The following NCOA2 variants were observed in gnomAD, a reference collection of about 807,000 sequenced individuals.
NCOA2 encodes nuclear receptor coactivator 2.
Under a neutral mutation model 145.1 loss-of-function variants are expected in NCOA2, and 21 were observed. That is an observed-to-expected ratio of 0.14 (90% CI 0.10 to 0.21). The LOEUF (loss-of-function observed/expected upper bound fraction) is 0.21. Among genes scored for constraint, NCOA2 ranks in the 10% least tolerant of loss-of-function variants. The pLI is 1.00. For missense variants in NCOA2, 1,472 were observed against 1,837.6 expected, an observed-to-expected ratio of 0.80 and a Z score of 3.64; for synonymous variants, 619 against 637.5, an observed-to-expected ratio of 0.97 and a Z score of 0.44.
chr8:70,136,560 A>C (rs1809759025), intron 15 of NCOA2, among the ~76,000 whole-genome samples: 1 of 151,842 alleles, frequency 6.6e-6, no homozygotes. Context: ...GAAAAAAAAA[A>C]AAACCCAAAA....
chr8:70,285,538 GAGAC>G (rs1325549093), intron 2 of NCOA2, among the ~76,000 whole-genome samples: 7 of 152,236 alleles, frequency 4.6e-5, no homozygotes, highest in African/African-American at 1.4e-4. Context: ...AGAACACTGA[GAGAC>G]AGACAGCCAT....
chr8:70,321,792 C>CTTTTTTTTTTTTTTTTTTTTTT (rs1563762022), intron 1 of NCOA2, among the ~76,000 whole-genome samples: 1 of 97,528 alleles, frequency 1.0e-5, no homozygotes. Context: ...TCAGAATATA[C>CTTTTTTTTTTTTTTTTTTTTTT]CTTTTTTTTT....
chr8:70,273,652 G>A, intron 2 of NCOA2: 1 of 710,518 alleles, frequency 1.4e-6, no homozygotes, highest in East Asian at 3.0e-5. Flanking sequence ...CAAAGCAGCT[G>A]ACAGAAATGC....
Position 70,113,304 on chromosome 8 carries a change from C to T in NCOA2, c.*328G>A, listed in dbSNP as rs912978486. 4.6e-6 allele frequency: 2 copies of T among 432,482 alleles called. No individual in the cohort carries two copies. Among genetic ancestry groups the T allele is most frequent in the East Asian group, 6.7e-5 (2 of 29,730 alleles). The allele number at this position is 432,482 out of a possible 1,614,324, so 26.8% of individuals were successfully genotyped here. A position where few individuals can be genotyped will look rare whatever the true frequency, so the allele number is the denominator to read the frequency against. ...GAGCATGGTTCTCCTTAAATACATA[C>T]ATTTAAATACATTCAATCTGACATG... On this transcript the variant is annotated 3_prime_UTR_variant, in exon 23 of 23. Transcript: ENST00000452400.
chr8:70,316,241 G>A (rs1805576944), intron 1 of NCOA2, among the ~76,000 whole-genome samples: 2 of 152,182 alleles, frequency 1.3e-5, no homozygotes. Context: ...CCATATGGCT[G>A]AAAGCAAAGT....
intron 1 of NCOA2, among the ~76,000 whole-genome samples, chr8:70,364,255 A>G (rs1408953387): frequency 6.6e-6 from 1 of 152,198 alleles, no homozygotes; most frequent in Non-Finnish European, 1.5e-5. Flanking sequence ...CTGAAAAAAA[A>G]AAGGAAATGT....
intron 10 of NCOA2, among the ~76,000 whole-genome samples, chr8:70,159,227 T>TAC (rs1812629430): frequency 1.4e-5 from 1 of 73,740 alleles, no homozygotes; most frequent in Non-Finnish European, 2.5e-5. Flanking sequence ...TAACATTATA[T>TAC]ATATATATAT....
the NCOA2 span, among the ~76,000 whole-genome samples, chr8:70,448,541 A>G: frequency 6.6e-6 from 1 of 152,246 alleles, no homozygotes; most frequent in African/African-American, 2.4e-5. Flanking sequence ...TGGCAAAGGT[A>G]GAAATTGGCA....
chr8:70,377,203 T>C (rs1811762004), intron 1 of NCOA2, among the ~76,000 whole-genome samples: 1 of 150,276 alleles, frequency 6.7e-6, no homozygotes, highest in Admixed American at 6.6e-5. Flanking sequence ...GAAATATCTC[T>C]ACTAATTCTT....
chr8:70,435,159 C>T, the NCOA2 span, among the ~76,000 whole-genome samples: 1 of 151,946 alleles, frequency 6.6e-6, no homozygotes. Context: ...GGCGCGGTGG[C>T]TCACGCCTGT....
chr8:70,428,224 A>G, the NCOA2 span, among the ~76,000 whole-genome samples: 1 of 151,648 alleles, frequency 6.6e-6, no homozygotes, highest in African/African-American at 2.4e-5. Context: ...GAAGTTGAGG[A>G]GGGAGGACTG....
chr8:70,239,624 T>C (rs758788651), intron 2 of NCOA2, among the ~76,000 whole-genome samples: 1 of 152,096 alleles, frequency 6.6e-6, no homozygotes, highest in Non-Finnish European at 1.5e-5. Context: ...TTGATTCAGG[T>C]ATCCAATCTA....
At chr8:70,126,734 G>C in intron 19 of NCOA2, 79 bp downstream of exon 19, 3 of 1,183,008 alleles carry the variant, frequency 2.5e-6, no homozygotes, top group Non-Finnish European at 3.7e-6. Flanking sequence ...AGAGCTGTGA[G>C]AGAGGAGCTG....
chr8:70,266,644 A>G (rs1319668968), intron 2 of NCOA2, among the ~76,000 whole-genome samples: 1 of 152,046 alleles, frequency 6.6e-6, no homozygotes, highest in Admixed American at 6.6e-5. Flanking sequence ...TTCTCACAGT[A>G]TCTAAATTTT....
At chr8:70,270,071 A>T (rs1432531881) in intron 2 of NCOA2, among the ~76,000 whole-genome samples, 1 of 152,072 alleles carries the variant, frequency 6.6e-6, no homozygotes, top group Non-Finnish European at 1.5e-5. Flanking sequence ...AGTCCCAGCT[A>T]CTGGGGAGGC....
chr8:70,142,070 C>G (rs944306217), intron 13 of NCOA2, among the ~76,000 whole-genome samples: 4 of 152,202 alleles, frequency 2.6e-5, no homozygotes, highest in Non-Finnish European at 5.9e-5. Flanking sequence ...TAACAGTTAT[C>G]TGACCACACA....
chr8:70,226,152 A>G lies in NCOA2; in HGVS notation c.-19-9388T>C, dbSNP rs1040376971. Among the ~76,000 whole-genome samples the G allele has an allele frequency of 8.3e-4, 126 of 152,314 alleles. 1 individual carries two copies. The highest frequency in any genetic ancestry group is 2.9e-3 in the African/African-American group (122 of 41,582). ...ACAGAAAAGTTATCAAAATATTAGC[A>G]GTTAAATTATTTCAATGGGCATTAC... On this transcript the variant is annotated intron_variant, in intron 2 of 22. Transcript: ENST00000452400.
intron 1 of NCOA2, among the ~76,000 whole-genome samples, chr8:70,390,649 C>A (rs530196463): frequency 1.3e-5 from 2 of 151,950 alleles, no homozygotes; most frequent in Non-Finnish European, 2.9e-5. Flanking sequence ...CACCTGTGGT[C>A]CCAGCTACTC....
intron 1 of NCOA2, among the ~76,000 whole-genome samples, chr8:70,387,004 G>T (rs950989882): frequency 1.3e-5 from 2 of 152,006 alleles, no homozygotes; most frequent in Non-Finnish European, 2.9e-5. Context: ...TCAAACTCCT[G>T]GACTCATGCA....
Sources: gnomAD v4.1 joint callset for allele counts (sites outside exome capture counted in the v4.1 genomes callset) on GRCh38, gnomAD v4.1.1 for gene constraint, MANE v1.5 for transcripts, NCBI Gene and HGNC (gene_info 2026-07-23, HGNC 2026-07-21) for gene names.